AP2A2: variants seen among roughly 807,000 people sequenced by gnomAD.
AP2A2 encodes adaptor related protein complex 2 subunit alpha 2, also known as AP-2 complex subunit alpha-2.
In AP2A2, 32 loss-of-function variants were observed where a neutral mutation model predicts 104.2. The observed-to-expected ratio is 0.31, with a 90% CI of 0.23 to 0.41. The LOEUF is 0.41. Among genes scored for constraint, AP2A2 ranks in the 10% least tolerant of loss-of-function variants. AP2A2 has a pLI of 1.00. For synonymous variants in AP2A2, 539 were observed against 533.3 expected, an observed-to-expected ratio of 1.01 and a Z score of -0.15; for missense variants, 912 against 1,261.0, an observed-to-expected ratio of 0.72 and a Z score of 4.19.
At position 1,000,478 on chromosome 11, in the gene AP2A2, C is replaced by T; in HGVS notation, c.2003C>T (p.Pro668Leu). Reference sequence around the variant, plus strand: ...GACCTGCTGGGTCTCGGGGCTGCCCCCCCTGCCCCCGCGGGCCCCCCACCC... The same window carrying T: ...GACCTGCTGGGTCTCGGGGCTGCCCTCCCTGCCCCCGCGGGCCCCCCACCC... ...SADLLGLGAA[P>L]PAPAGPPPSS... The change falls in exon 15 of 22, where the codon CCC becomes CTC. Residue 668 changes from proline (P) to leucine (L), a missense_variant. Transcript: ENST00000448903. The T allele has an allele frequency of 1.3e-6, 2 of 1,540,426 alleles. No individual in the cohort carries two copies. Among genetic ancestry groups the T allele is most frequent in the Non-Finnish European group, 1.7e-6 (2 of 1,147,092 alleles).
At chr11:994,884 G>A (rs1204990212) in intron 14 of AP2A2, among the ~76,000 whole-genome samples, 4 of 129,640 alleles carry the variant, frequency 3.1e-5, no homozygotes, top group African/African-American at 5.9e-5. Context: ...GGCCTGTCCC[G>A]GGGGCCACTG....
chr11:981,286 C>G lies in AP2A2; in HGVS notation c.692C>G (p.Ser231Cys). 6.2e-7 allele frequency: 1 copy of G among 1,612,222 alleles called. No individual in the cohort carries two copies. Among genetic ancestry groups the G allele is most frequent in the Non-Finnish European group, 8.5e-7 (1 of 1,178,756 alleles). ...EFKTSVSLAV[S>C]RLSRIVTSAS... ...AAAACCTCCGTGTCTCTGGCTGTCT[C>G]TAGGCTAAGCAGAGTAAGTCTGTTC... is the stretch of plus-strand genomic sequence containing the variant. The change falls in exon 6 of 22, where the codon TCT becomes TGT. Residue 231 changes from serine to cysteine, a missense_variant. By Grantham distance (112) the Ser-to-Cys change is moderately radical (BLOSUM62 -1). This residue lies in a region of AP2A2 where 350 missense variants were observed against 487.0 expected (regional missense o/e 0.72). Transcript: ENST00000448903.
At chr11:986,658 T>C (rs1251583885) in intron 8 of AP2A2, 127 bp from the exon 9 acceptor site, 1 of 1,166,480 alleles carries the variant, frequency 8.6e-7, no homozygotes, top group Non-Finnish European at 1.2e-6. Context: ...ACTTGAGCAG[T>C]GTGGTGGCGG....
chr11:927,510 T>TAAAAAAAA (rs10665614), intron 1 of AP2A2, among the ~76,000 whole-genome samples: 1 of 131,760 alleles, frequency 7.6e-6, no homozygotes. Flanking sequence ...TGTACTCTGT[T>TAAAAAAAA]AAAAAAAAAA....
chr11:952,953 G>T (rs537072195), intron 1 of AP2A2, among the ~76,000 whole-genome samples: 2 of 152,338 alleles, frequency 1.3e-5, no homozygotes, highest in East Asian at 1.9e-4. Flanking sequence ...CCAGGAGCAC[G>T]CTCTGCTCCT....
At chr11:1,006,738 A>G (rs948877652) in intron 17 of AP2A2, 121 bp downstream of exon 17, 6 of 761,438 alleles carry the variant, frequency 7.9e-6, no homozygotes, top group Admixed American at 5.1e-5. Context: ...TCCAGATGCT[A>G]TATGAAAATC....
In AP2A2 at chr11:992,088, C is replaced by T. The variant is rs890560102; in HGVS notation, c.1270-415C>T. 1.3e-5 allele frequency among the ~76,000 whole-genome samples: 2 copies of T among 151,888 alleles called. No individual in the cohort carries two copies. Among genetic ancestry groups the T allele is most frequent in the Admixed American group, 1.3e-4 (2 of 15,270 alleles). ...GAAGAAACCAGCAGAGAAGTGGCCG[C>T]CGGGAGCCCAGGGTGGCGCAGTCAC... On this transcript the variant is annotated intron_variant, in intron 10 of 21. Coordinates refer to ENST00000448903, the MANE Select transcript of AP2A2 (RefSeq NM_012305.4). This position sits in a 1 kb window ranked among gnomAD's most constrained non-coding sequence, Gnocchi z 6.4.
chr11:952,465 C>T (rs1854085021), intron 1 of AP2A2, among the ~76,000 whole-genome samples: 1 of 152,204 alleles, frequency 6.6e-6, no homozygotes, highest in South Asian at 2.1e-4. Context: ...TTTGCTACTT[C>T]ATGGAATGCA....
intron 1 of AP2A2, among the ~76,000 whole-genome samples, chr11:948,028 G>C (rs1374565891): frequency 2.6e-5 from 4 of 152,148 alleles, no homozygotes; most frequent in Non-Finnish European, 4.4e-5. Context: ...TGAGAGCAGG[G>C]CTGAGGGGGA....
chr11:958,181 G>A (rs915840401), intron 1 of AP2A2, among the ~76,000 whole-genome samples: 4 of 152,184 alleles, frequency 2.6e-5, no homozygotes, highest in Non-Finnish European at 4.4e-5. Flanking sequence ...GAGCGTGCTC[G>A]CTTCATAAGC....
chr11:1,009,467 G>A (rs1458679350), intron 20 of AP2A2, 70 bp downstream of exon 20: 5 of 1,491,872 alleles, frequency 3.4e-6, no homozygotes, highest in Non-Finnish European at 4.6e-6. Flanking sequence ...CTGGAGGGAC[G>A]GCCCCGGGGA....
At chr11:1,006,246 T>C (rs1187774129) in intron 16 of AP2A2, among the ~76,000 whole-genome samples, 1 of 152,194 alleles carries the variant, frequency 6.6e-6, no homozygotes, top group African/African-American at 2.4e-5. Flanking sequence ...ATGCGTGTGA[T>C]CTCACCCATC....
At position 1,009,439 on chromosome 11, in the gene AP2A2, G is replaced by A. The variant is rs371653967; in HGVS notation, c.2607+42G>A. 752 of 1,549,868 alleles carry A rather than the reference G, an allele frequency of 4.9e-4. 6 individuals carry two copies. The East Asian group carries it at 8.0e-3, about 17-fold the overall frequency. On this transcript the variant is annotated intron_variant, in intron 20 of 21. Transcript: ENST00000448903. ...GACGGCCCCGGGGGACACGCAGCCCGTGACCCCGCGCCAGGGTCTGGAGGG... is the reference window on the plus strand; with the variant it reads ...GACGGCCCCGGGGGACACGCAGCCCATGACCCCGCGCCAGGGTCTGGAGGG...
Position 992,866 on chromosome 11 carries a change from T to G in AP2A2, c.1452+181T>G, listed in dbSNP as rs1855706836. Among the ~76,000 whole-genome samples, 1 of 152,108 alleles carries G rather than the reference T, an allele frequency of 6.6e-6. No individual in the cohort carries two copies. The highest frequency in any genetic ancestry group is 1.5e-5 in the Non-Finnish European group (1 of 68,008). On this transcript the variant is annotated intron_variant, in intron 11 of 21. Transcript: ENST00000448903. This position sits in a 1 kb window ranked among gnomAD's most constrained non-coding sequence, Gnocchi z 6.4. ...TGGTGCCCCTTGCTGAGTCCCAGTTTCTTCTCACCCTAACTCTCAAACTTC... is the reference window on the plus strand; with the variant it reads ...TGGTGCCCCTTGCTGAGTCCCAGTTGCTTCTCACCCTAACTCTCAAACTTC...
At chr11:948,860 C>A (rs1853941138) in intron 1 of AP2A2, among the ~76,000 whole-genome samples, 1 of 151,826 alleles carries the variant, frequency 6.6e-6, no homozygotes, top group African/African-American at 2.4e-5. Context: ...AGCGAAACTC[C>A]ATCTCAAAGG....
intron 1 of AP2A2, among the ~76,000 whole-genome samples, chr11:930,303 C>T (rs946619476): frequency 5.9e-5 from 9 of 152,056 alleles, no homozygotes; most frequent in African/African-American, 1.7e-4. Context: ...AAAGGTGCCT[C>T]GTGTCAAGCT....
chr11:954,568 G>A (rs1489642651), intron 1 of AP2A2, among the ~76,000 whole-genome samples: 1 of 152,092 alleles, frequency 6.6e-6, no homozygotes, highest in Non-Finnish European at 1.5e-5. Flanking sequence ...GTAAATGTGT[G>A]TATATGTATA....
At chr11:930,804 G>A (rs936820933) in intron 1 of AP2A2, among the ~76,000 whole-genome samples, 23 of 152,220 alleles carry the variant, frequency 1.5e-4, no homozygotes, top group African/African-American at 5.1e-4. Flanking sequence ...ACAGGCGTGA[G>A]CCACTGTGCC....
At chr11:949,744 C>T (rs1226691319) in intron 1 of AP2A2, among the ~76,000 whole-genome samples, 2 of 150,748 alleles carry the variant, frequency 1.3e-5, no homozygotes, top group Non-Finnish European at 2.9e-5. Flanking sequence ...CACTGCACTC[C>T]AGCCTGGGTG....
Sources: allele counts gnomAD v4.1 joint callset (sites outside exome capture counted in the v4.1 genomes callset), GRCh38; gene constraint gnomAD v4.1.1; regional missense constraint gnomAD v4.1.1; non-coding constraint Gnocchi (gnomAD v3.1); transcripts MANE v1.5; gene names NCBI Gene and HGNC (gene_info 2026-07-23, HGNC 2026-07-21).